CUX1: variants seen among roughly 807,000 people sequenced by gnomAD.
The protein encoded by CUX1 is cut like homeobox 1, also known as protein CASP.
In CUX1, 31 loss-of-function variants were observed where a neutral mutation model predicts 158.8. The ratio of observed to expected loss-of-function variants is 0.20; its 90% CI spans 0.15 to 0.26. CUX1 has a LOEUF of 0.26. Ranked by LOEUF, CUX1 falls within the 10% of genes least tolerant of loss-of-function variation. The pLI is 1.00. For synonymous variants in CUX1, 879 were observed against 862.1 expected, an observed-to-expected ratio of 1.02 and a Z score of -0.34; for missense variants, 1,589 against 2,014.6, an observed-to-expected ratio of 0.79 and a Z score of 4.04.
At chr7:101,838,104 T>C (rs540942406) in intron 1 of CUX1, among the ~76,000 whole-genome samples, 3 of 152,048 alleles carry the variant, frequency 2.0e-5, no homozygotes, top group Non-Finnish European at 4.4e-5. Context: ...CTAAATCTTT[T>C]TCTCCTTCCT....
At chr7:102,052,261 C>T (rs1005897394) in intron 3 of CUX1, among the ~76,000 whole-genome samples, 1 of 152,038 alleles carries the variant, frequency 6.6e-6, no homozygotes, top group Admixed American at 6.6e-5. Context: ...GTGGTCACTC[C>T]TCATTTATCC....
chr7:102,242,604 A>G (rs1480773853), intron 23 of CUX1, among the ~76,000 whole-genome samples: 1 of 152,172 alleles, frequency 6.6e-6, no homozygotes, highest in Non-Finnish European at 1.5e-5. Context: ...CGCTTTCTAT[A>G]ATATAGACAC....
chr7:101,903,720 C>A (rs555864565), intron 1 of CUX1, among the ~76,000 whole-genome samples: 1 of 152,266 alleles, frequency 6.6e-6, no homozygotes, highest in South Asian at 2.1e-4. Context: ...CAGCGTCTCT[C>A]ACATCTCACC....
chr7:101,816,685 C>T (rs1399476434), upstream of CUX1, among the ~76,000 whole-genome samples: 1 of 145,238 alleles, frequency 6.9e-6, no homozygotes, highest in Non-Finnish European at 1.5e-5. Context: ...GCCGCCACTG[C>T]CGCCGGCGCG....
chr7:102,067,230 T>TG lies in CUX1; in HGVS notation c.190-3109_190-3108insG, dbSNP rs1491534660. On this transcript the variant is annotated intron_variant, in intron 3 of 23. Coordinates refer to ENST00000292535, the MANE Select transcript of CUX1 (RefSeq NM_181552.4). Reference sequence around the variant, plus strand: ...CCTGTGTGTCTGCATTTCATGTAACTTTTTTTTTTTTTTTTTTTTTTGAGA... The same window carrying TG: ...CCTGTGTGTCTGCATTTCATGTAACTGTTTTTTTTTTTTTTTTTTTTTGAGA... Among the ~76,000 whole-genome samples, 3 of 14,198 alleles carry TG rather than the reference T, an allele frequency of 2.1e-4. No individual in the cohort carries two copies. In the African/African-American group the frequency reaches 3.4e-3, roughly 16 times the overall value. 9.3% of individuals were successfully genotyped at this position (14,198 alleles called of 152,430 possible). A position where few individuals can be genotyped will look rare whatever the true frequency, so the allele number is the denominator to read the frequency against.
chr7:102,270,297 T>C (rs1175856907), intron 14 of CUX1, among the ~76,000 whole-genome samples: 1 of 152,218 alleles, frequency 6.6e-6, no homozygotes, highest in African/African-American at 2.4e-5. Context: ...GGTGAGGCCC[T>C]GTCCTTCTCT....
At chr7:101,845,138 G>A (rs2131199930) in intron 1 of CUX1, among the ~76,000 whole-genome samples, 1 of 149,820 alleles carries the variant, frequency 6.7e-6, no homozygotes, top group East Asian at 2.3e-4. Context: ...TTCTTCTGTT[G>A]TCCATCTCTC....
chr7:101,917,293 A>G (rs772606599), intron 2 of CUX1, among the ~76,000 whole-genome samples: 7 of 152,258 alleles, frequency 4.6e-5, no homozygotes, highest in Non-Finnish European at 1.0e-4. Context: ...TAGTCAAGGG[A>G]CTGCTGGCAT....
intron 2 of CUX1, among the ~76,000 whole-genome samples, chr7:101,935,093 G>T (rs531120115): frequency 6.6e-6 from 1 of 152,018 alleles, no homozygotes; most frequent in Non-Finnish European, 1.5e-5. Context: ...CCAGATGGCC[G>T]GTTCCTGCCT....
chr7:102,270,190 G>C (rs893482182), intron 14 of CUX1, among the ~76,000 whole-genome samples: 8 of 152,246 alleles, frequency 5.3e-5, no homozygotes, highest in African/African-American at 1.9e-4. Context: ...GTGGCCACCA[G>C]AGATGTCACC....
intron 4 of CUX1, among the ~76,000 whole-genome samples, chr7:102,088,904 C>T (rs776607372): frequency 6.6e-6 from 1 of 152,074 alleles, no homozygotes; most frequent in Non-Finnish European, 1.5e-5. Flanking sequence ...AGGTTTATAG[C>T]TTTTATGAAG....
chr7:102,168,101 A>T (rs1791254203), intron 9 of CUX1, among the ~76,000 whole-genome samples: 1 of 151,464 alleles, frequency 6.6e-6, no homozygotes, highest in African/African-American at 2.4e-5. Flanking sequence ...AAAAAAAAAA[A>T]CCAGTTGATT....
intron 1 of CUX1, among the ~76,000 whole-genome samples, chr7:101,836,731 G>A (rs1307542564): frequency 6.1e-5 from 9 of 148,726 alleles, no homozygotes; most frequent in African/African-American, 2.2e-4. Context: ...CCTTCCCCAC[G>A]GCCAGTGGGC....
chr7:101,881,151 G>C (rs951957192), intron 1 of CUX1, among the ~76,000 whole-genome samples: 1 of 152,224 alleles, frequency 6.6e-6, no homozygotes, highest in African/African-American at 2.4e-5. Context: ...TATCTAAAAA[G>C]GAAGTGGAAA....
chr7:101,986,342 C>T (rs188351519), intron 2 of CUX1, among the ~76,000 whole-genome samples: 213 of 152,228 alleles, frequency 1.4e-3, no homozygotes, highest in Non-Finnish European at 2.4e-3. Flanking sequence ...AGCTTGTTTT[C>T]AAGATATGTA....
At chr7:101,904,071 G>A (rs1397036808) in intron 1 of CUX1, among the ~76,000 whole-genome samples, 2 of 151,490 alleles carry the variant, frequency 1.3e-5, no homozygotes, top group Non-Finnish European at 1.5e-5. Context: ...GGTGGGGGGC[G>A]GTCACTTGAG....
In CUX1 at chr7:101,895,899, TTTGTTTTTG is replaced by T. The variant is rs746801983; in HGVS notation, c.31-20213_31-20205del. Among the ~76,000 whole-genome samples, 54 of 68,346 alleles carry T rather than the reference TTTGTTTTTG, an allele frequency of 7.9e-4. 4 individuals carry two copies. Among genetic ancestry groups the T allele is most frequent in the African/African-American group, 1.6e-3 (23 of 14,068 alleles). 44.8% of individuals were successfully genotyped at this position (68,346 alleles called of 152,430 possible). A position where few individuals can be genotyped will look rare whatever the true frequency, so the allele number is the denominator to read the frequency against. On this transcript the variant is annotated intron_variant, in intron 1 of 23. Transcript: ENST00000292535. Reference sequence around the variant, plus strand: ...CTTGTATCACCTGTAAAGTTTTTTTTTTGTTTTTGTTTTTTTTTTTTTTTTTTGGAGACA... The same window carrying T: ...CTTGTATCACCTGTAAAGTTTTTTTTTTTTTTTTTTTTTTTTTTGGAGACA...
At chr7:102,131,919 A>G (rs1585829793) in intron 8 of CUX1, among the ~76,000 whole-genome samples, 1 of 151,766 alleles carries the variant, frequency 6.6e-6, no homozygotes, top group African/African-American at 2.4e-5. Context: ...TGATCCACCC[A>G]CCTCTGCCTG....
At chr7:102,097,038 C>T (rs1002892638) in intron 4 of CUX1, among the ~76,000 whole-genome samples, 1 of 152,256 alleles carries the variant, frequency 6.6e-6, no homozygotes, top group African/African-American at 2.4e-5. Flanking sequence ...GGGCTGCTAC[C>T]TGGTGTATTT....
Sources: gnomAD v4.1 joint callset for allele counts (sites outside exome capture counted in the v4.1 genomes callset) on GRCh38, gnomAD v4.1.1 for gene constraint, MANE v1.5 for transcripts, NCBI Gene and HGNC (gene_info 2026-07-23, HGNC 2026-07-21) for gene names.